The following ALG1 variants were observed in gnomAD, a reference collection of about 807,000 sequenced individuals.
The protein encoded by ALG1 is chitobiosyldiphosphodolichol beta-mannosyltransferase.
A neutral mutation model predicts 55.1 loss-of-function variants in ALG1; 58 were observed. That is an observed-to-expected ratio of 1.05 (90% confidence interval 0.85 to 1.31). The LOEUF (loss-of-function observed/expected upper bound fraction) is 1.31, where lower values mean the gene tolerates loss of function less well. ALG1 is among the 50% of genes most tolerant of loss of function. The pLI is 0.00. For synonymous variants in ALG1, 309 were observed against 247.0 expected, an observed-to-expected ratio of 1.25 and a Z score of -2.35; for missense variants, 761 against 598.6, an observed-to-expected ratio of 1.27 and a Z score of -2.83.
chr16:5,078,925 G>A, intron 7 of ALG1, 47 bp downstream of exon 7: 2 of 1,606,098 alleles, frequency 1.2e-6, no homozygotes, highest in Non-Finnish European at 1.7e-6. Context: ...ACGGGCACCT[G>A]GCCAACCTGT....
intron 4 of ALG1, among the ~76,000 whole-genome samples, chr16:5,076,792 C>CTTTTT (rs5815229): frequency 2.8e-5 from 3 of 108,854 alleles, no homozygotes; most frequent in Non-Finnish European, 5.6e-5. Flanking sequence ...GTATTTCTTC[C>CTTTTT]TTTTTTTTTT....
At chr16:5,079,020 G>A (rs1956967393) in intron 7 of ALG1, 44 bp from the exon 8 acceptor site, 1 of 1,604,580 alleles carries the variant, frequency 6.2e-7, no homozygotes, top group Non-Finnish European at 8.5e-7. Context: ...CTGGAAGAGG[G>A]GTGTCTAGAA....
intron 10 of ALG1, among the ~76,000 whole-genome samples, chr16:5,081,938 G>A (rs1327132345): frequency 6.6e-6 from 1 of 151,836 alleles, no homozygotes; most frequent in Non-Finnish European, 1.5e-5. Flanking sequence ...GGTGTGCTGT[G>A]GTTTATTATT....
intron 4 of ALG1, among the ~76,000 whole-genome samples, chr16:5,075,767 C>T (rs189499555): frequency 3.3e-5 from 5 of 152,282 alleles, no homozygotes; most frequent in East Asian, 1.9e-4. Flanking sequence ...TGGTTGGTTT[C>T]GAGCTCAGCA....
chr16:5,074,119 A>G (rs946619375), intron 3 of ALG1, among the ~76,000 whole-genome samples: 2 of 151,620 alleles, frequency 1.3e-5, no homozygotes, highest in African/African-American at 4.8e-5. Context: ...ATCAATTTTT[A>G]ATATATAGAA....
intron 8 of ALG1, among the ~76,000 whole-genome samples, chr16:5,079,338 C>T (rs535441126): frequency 2.6e-4 from 39 of 152,284 alleles, no homozygotes; most frequent in Admixed American, 1.1e-3. Context: ...GTGGCCTCCC[C>T]GCCAGAGCAG....
chr16:5,081,113 G>A lies in ALG1; in HGVS notation c.1072+57G>A, dbSNP rs1187573229. ...GCGGGGGGAACAGGGTGGGCGGGAT[G>A]TACTTTTTCTGAAAAGGTGGCTCTG... On this transcript the variant is annotated intron_variant, in intron 10 of 12. Transcript: ENST00000262374. 7 of 1,424,030 alleles carry A rather than the reference G, an allele frequency of 4.9e-6. No homozygotes were observed. In the East Asian group the frequency reaches 7.6e-5, roughly 15 times the overall value. The allele number at this position is 1,424,030 out of a possible 1,614,324, so 88.2% of individuals were successfully genotyped here.
rs2142714735 is a variant in ALG1 at position 5,078,380 on chromosome 16, C to A, written c.740+363C>A. On this transcript the variant is annotated intron_variant, in intron 6 of 12. Transcript: ENST00000262374. ...TGGCAGGATCTGTGGACCTGTGTGT[C>A]CCCTGGGGTGTCTCATGGGGCTAAG... 5.1e-6 allele frequency: 3 copies of A among 590,562 alleles called. No homozygotes were observed. In the East Asian group the frequency reaches 1.1e-4, roughly 22 times the overall value. The allele number at this position is 590,562 out of a possible 1,614,324, so 36.6% of individuals were successfully genotyped here. A position where few individuals can be genotyped will look rare whatever the true frequency, so the allele number is the denominator to read the frequency against.
intron 9 of ALG1, 55 bp downstream of exon 9, chr16:5,079,862 G>A (rs1956985396): frequency 3.2e-6 from 5 of 1,575,158 alleles, no homozygotes; most frequent in South Asian, 1.1e-5. Flanking sequence ...GAGGGGGAGG[G>A]GCACGCAGCC....
chr16:5,080,223 A>ACAC (rs1427609484), intron 9 of ALG1, among the ~76,000 whole-genome samples: 4 of 151,862 alleles, frequency 2.6e-5, no homozygotes, highest in Non-Finnish European at 5.9e-5. Flanking sequence ...GCCCACCACA[A>ACAC]CTGCCTAATT....
chr16:5,082,714 G>T (rs745927139), intron 11 of ALG1, 41 bp downstream of exon 11: 7 of 1,606,510 alleles, frequency 4.4e-6, no homozygotes, highest in Non-Finnish European at 5.9e-6. Context: ...TAGCTTTGCA[G>T]ATCCACCGCT....
At position 5,075,504 on chromosome 16, in the gene ALG1, C is replaced by T. The variant is rs1036684243; in HGVS notation, c.507C>T (p.Gly169=). Residue 169 remains glycine (G), a synonymous_variant, in exon 4 of 13, where the codon GGC becomes GGT. Coordinates refer to ENST00000262374, the MANE Select transcript of ALG1 (RefSeq NM_019109.5). ...ACTCCATCATGGGTCTGGTGCATGG[C>T]CCCAACCATCCCCTCGTTCTGCTGG... ...YGYSIMGLVH[G]PNHPLVLLAK... 6.2e-7 allele frequency: 1 copy of T among 1,614,132 alleles called. No individual in the cohort carries two copies. Among genetic ancestry groups the T allele is most frequent in the South Asian group, 1.1e-5 (1 of 91,086 alleles).
At position 5,083,766 on chromosome 16, in the gene ALG1, G is replaced by T; in HGVS notation, c.1263+9G>T. The T allele has an allele frequency of 1.3e-6, 2 of 1,597,604 alleles. No individual in the cohort carries two copies. Among genetic ancestry groups the T allele is most frequent in the Non-Finnish European group, 1.7e-6 (2 of 1,179,774 alleles). On this transcript the variant is annotated intron_variant, in intron 12 of 12. Transcript: ENST00000262374. Reference sequence around the variant, plus strand: ...TGGCAGCTCAGCTGCAGGTAGCCACGTCTGCCACCACGCCAGGGTGGGGAG... The same window carrying T: ...TGGCAGCTCAGCTGCAGGTAGCCACTTCTGCCACCACGCCAGGGTGGGGAG...
At chr16:5,077,387 C>A in intron 4 of ALG1, 58 bp from the exon 5 acceptor site, 1 of 1,428,798 alleles carries the variant, frequency 7.0e-7, no homozygotes, top group Non-Finnish European at 9.9e-7. Context: ...TCGAGTCACG[C>A]TGTGGTGGTA....
chr16:5,074,232 A>G lies in ALG1; in HGVS notation c.390+976A>G, dbSNP rs577439551. Among the ~76,000 whole-genome samples, 221 of 148,620 alleles carry G rather than the reference A, an allele frequency of 1.5e-3. 1 individual carries two copies. Among genetic ancestry groups the G allele is most frequent in the African/African-American group, 5.3e-3 (212 of 40,306 alleles). On this transcript the variant is annotated intron_variant, in intron 3 of 12. Coordinates refer to ENST00000262374, the MANE Select transcript of ALG1 (RefSeq NM_019109.5). ...GCGATCTTGGCTCACTGCACCTTCTACCTCCCGTGTTCAAGTGATTTTCCT... is the reference window on the plus strand; with the variant it reads ...GCGATCTTGGCTCACTGCACCTTCTGCCTCCCGTGTTCAAGTGATTTTCCT...
At chr16:5,073,505 C>T (rs1476335367) in intron 3 of ALG1, 3 of 550,960 alleles carry the variant, frequency 5.4e-6, no homozygotes, top group Non-Finnish European at 9.7e-6. Flanking sequence ...ATTTAGTCCT[C>T]ACAGTTACCC....
intron 2 of ALG1, 25 bp from the exon 3 acceptor site, chr16:5,073,128 G>C: frequency 6.2e-7 from 1 of 1,613,532 alleles, no homozygotes; most frequent in Non-Finnish European, 8.5e-7. Flanking sequence ...TCCTTTGGTA[G>C]TCACAGGTGT....
rs1596250730 is a variant in ALG1, at chr16:5,071,927, G to C, written c.78G>C (p.Trp26Cys). The C allele has an allele frequency of 1.3e-6, 2 of 1,591,602 alleles. No homozygotes were observed. Among genetic ancestry groups the C allele is most frequent in the Non-Finnish European group, 1.7e-6 (2 of 1,169,606 alleles). The stretch of plus-strand genomic sequence containing the variant: ...TGCTGCTGGGAGGATGGAAGCGCTG[G>C]CGCCGGGGGCGGGCGGCCCGGCATG... ...PLLLLGGWKR[W>C]RRGRAARHVV... is the part of the protein sequence containing the mutation. The change falls in exon 1 of 13, where the codon TGG (tryptophan) becomes TGC (cysteine). Residue 26 changes from tryptophan to cysteine, a missense_variant. Coordinates refer to ENST00000262374, the MANE Select transcript of ALG1 (RefSeq NM_019109.5).
rs1435049865 is a variant in ALG1, at chr16:5,085,919, T to G, written c.*1038T>G. Among the ~76,000 whole-genome samples the G allele has an allele frequency of 1.3e-5, 2 of 152,132 alleles. No individual in the cohort carries two copies. The highest frequency in any genetic ancestry group is 4.8e-5 in the African/African-American group (2 of 41,418). ...CTCCAGGATGGGACCAGAAAGCTGGTTTTGCATAGAAATGGCTAGCAGCAG... is the reference window on the plus strand; with the variant it reads ...CTCCAGGATGGGACCAGAAAGCTGGGTTTGCATAGAAATGGCTAGCAGCAG... On this transcript the variant is annotated 3_prime_UTR_variant, in exon 13 of 13. Coordinates refer to ENST00000262374, the MANE Select transcript of ALG1 (RefSeq NM_019109.5).
Sources: gnomAD v4.1 joint callset for allele counts (sites outside exome capture counted in the v4.1 genomes callset) on GRCh38, gnomAD v4.1.1 for gene constraint, MANE v1.5 for transcripts, NCBI Gene and HGNC (gene_info 2026-07-23, HGNC 2026-07-21) for gene names.